The following CEP85L variants were observed in gnomAD, a reference collection of about 807,000 sequenced individuals.
CEP85L encodes centrosomal protein 85L.
In CEP85L, 60 loss-of-function variants were observed where a neutral mutation model predicts 100.3. That is an observed-to-expected ratio of 0.60 (90% CI 0.49 to 0.74). The LOEUF (loss-of-function observed/expected upper bound fraction) is 0.74. Ranked by LOEUF, CEP85L falls within the 30% of genes least tolerant of loss-of-function variation. The probability of loss-of-function intolerance (pLI) is 0.00; values close to 1 mark genes in which losing one functional copy is unlikely to be tolerated. For synonymous variants in CEP85L, 319 were observed against 322.7 expected (o/e 0.99, Z 0.12); for missense variants, 973 against 936.2 (o/e 1.04, Z -0.51).
At chr6:118,606,208 A>C (rs1474393537) in intron 2 of CEP85L, among the ~76,000 whole-genome samples, 1 of 152,188 alleles carries the variant, frequency 6.6e-6, no homozygotes, top group Non-Finnish European at 1.5e-5. Flanking sequence ...CTTTAAAAAA[A>C]CAAATCCTTT....
At chr6:118,623,701 A>T (rs951091839) in intron 2 of CEP85L, among the ~76,000 whole-genome samples, 8 of 152,178 alleles carry the variant, frequency 5.3e-5, no homozygotes, top group Non-Finnish European at 1.2e-4. Flanking sequence ...TCCATATGAA[A>T]TGCTGTATGG....
At chr6:118,564,028 T>C (rs1393008023) in intron 3 of CEP85L, among the ~76,000 whole-genome samples, 1 of 152,214 alleles carries the variant, frequency 6.6e-6, no homozygotes, top group Non-Finnish European at 1.5e-5. Flanking sequence ...CCAGGGTATA[T>C]GCAAATTTTG....
chr6:118,599,207 T>C (rs866264993), intron 2 of CEP85L, among the ~76,000 whole-genome samples: 53 of 152,064 alleles, frequency 3.5e-4, no homozygotes, highest in African/African-American at 1.3e-3. Flanking sequence ...ATTGGTGAAA[T>C]GATTGATTCA....
rs760933106 is a variant in CEP85L, at chr6:118,566,075, AGAT to A, written c.471_473del (p.Ser158del). 1 of 1,614,194 alleles carries A rather than the reference AGAT, an allele frequency of 6.2e-7. No individual in the cohort carries two copies. Among genetic ancestry groups the A allele is most frequent in the South Asian group, 1.1e-5 (1 of 91,086 alleles). On this transcript the variant is annotated inframe_deletion, in exon 3 of 13. Transcript: ENST00000368491. ...TATCCGGGGCAGTGAGTTTGGATAAAGATGACCATTTCCGAAGTGGCCGGAAGT... is the reference window on the plus strand; with the variant it reads ...TATCCGGGGCAGTGAGTTTGGATAAAGACCATTTCCGAAGTGGCCGGAAGT...
intron 2 of CEP85L, among the ~76,000 whole-genome samples, chr6:118,614,167 T>A (rs1321380055): frequency 6.6e-6 from 1 of 152,090 alleles, no homozygotes; most frequent in Non-Finnish European, 1.5e-5. Flanking sequence ...ATTGACAACA[T>A]CTAATACCTA....
chr6:118,505,081 T>C (rs34479834), intron 5 of CEP85L, among the ~76,000 whole-genome samples: 3 of 151,754 alleles, frequency 2.0e-5, no homozygotes, highest in Non-Finnish European at 4.4e-5. Flanking sequence ...TCTTGGTACT[T>C]CCCATTTAAT....
At chr6:118,477,626 A>C (rs914668342) in intron 10 of CEP85L, among the ~76,000 whole-genome samples, 2 of 152,166 alleles carry the variant, frequency 1.3e-5, no homozygotes, top group Admixed American at 6.5e-5. Flanking sequence ...CAGTGCACCA[A>C]ATCAAGACAA....
At chr6:118,498,987 A>C (rs974813337) in intron 5 of CEP85L, among the ~76,000 whole-genome samples, 1 of 152,246 alleles carries the variant, frequency 6.6e-6, no homozygotes, top group African/African-American at 2.4e-5. Flanking sequence ...CTGGAGATTA[A>C]ACAACACACT....
At position 118,461,310 on chromosome 6, in the gene CEP85L, C is replaced by T. The variant is rs944638947; in HGVS notation, c.*4095G>A. ...ATACAATCTAAAGGAGTTTCCAGCTCACTACACAGGGAAGGCTGGGCTCCA... is the reference window on the plus strand; with the variant it reads ...ATACAATCTAAAGGAGTTTCCAGCTTACTACACAGGGAAGGCTGGGCTCCA... On this transcript the variant is annotated 3_prime_UTR_variant, in exon 13 of 13. Coordinates refer to ENST00000368491, the MANE Select transcript of CEP85L (RefSeq NM_001042475.3). 6 of 151,914 alleles carry T rather than the reference C, an allele frequency of 3.9e-5. 1 individual carries two copies. The allele number at this position is 151,914 out of a possible 1,614,324, so 9.4% of individuals were successfully genotyped here.
chr6:118,465,930 T>G (rs141546507), intron 12 of CEP85L, among the ~76,000 whole-genome samples: 3 of 152,120 alleles, frequency 2.0e-5, no homozygotes, highest in Admixed American at 1.3e-4. Context: ...ATTTGTGTAG[T>G]AAGAGGTGGT....
chr6:118,471,042 T>C (rs377678444), intron 10 of CEP85L, among the ~76,000 whole-genome samples: 1 of 152,224 alleles, frequency 6.6e-6, no homozygotes. Context: ...TTGCTTACAG[T>C]TAATGAGATG....
intron 2 of CEP85L, among the ~76,000 whole-genome samples, chr6:118,567,279 A>ATG (rs1779608150): frequency 7.5e-6 from 1 of 133,672 alleles, no homozygotes; most frequent in Admixed American, 7.7e-5. Context: ...ATATATATAT[A>ATG]TATATATATC....
At chr6:118,658,078 A>T (rs1183857590) in intron 1 of CEP85L, among the ~76,000 whole-genome samples, 1 of 152,164 alleles carries the variant, frequency 6.6e-6, no homozygotes, top group Non-Finnish European at 1.5e-5. Flanking sequence ...TCCCTAGAGG[A>T]ATCTGAGCTA....
chr6:118,488,822 T>G (rs1011966111), intron 6 of CEP85L, among the ~76,000 whole-genome samples: 25 of 152,192 alleles, frequency 1.6e-4, no homozygotes, highest in Non-Finnish European at 7.3e-5. Flanking sequence ...AAATGACCTG[T>G]CACATGCAAG....
chr6:118,508,968 T>C (rs1348045406), intron 5 of CEP85L, among the ~76,000 whole-genome samples: 2 of 152,132 alleles, frequency 1.3e-5, no homozygotes, highest in Non-Finnish European at 2.9e-5. Context: ...TATCTATCCA[T>C]TGATAGAAGT....
intron 2 of CEP85L, among the ~76,000 whole-genome samples, chr6:118,568,501 A>G (rs1779680891): frequency 1.3e-5 from 2 of 152,228 alleles, no homozygotes; most frequent in African/African-American, 2.4e-5. Flanking sequence ...TGCCAAGAAA[A>G]GTTGTCAAGG....
At chr6:118,519,593 G>GT (rs1469049812) in intron 4 of CEP85L, among the ~76,000 whole-genome samples, 8 of 55,144 alleles carry the variant, frequency 1.5e-4, no homozygotes, top group East Asian at 4.4e-4. Context: ...GCGGGGGGGG[G>GT]GTGTGAAACT....
At chr6:118,708,215 T>C (rs964297398) in intron 1 of CEP85L, among the ~76,000 whole-genome samples, 2 of 152,248 alleles carry the variant, frequency 1.3e-5, no homozygotes, top group Non-Finnish European at 1.5e-5. Context: ...TGCCCTTAAG[T>C]TACTCACAGC....
At chr6:118,640,658 C>T (rs905159688) in intron 1 of CEP85L, among the ~76,000 whole-genome samples, 2 of 151,880 alleles carry the variant, frequency 1.3e-5, no homozygotes, top group African/African-American at 2.4e-5. Context: ...CCAAGTTGTG[C>T]GGATTACAGG....
Sources: allele counts gnomAD v4.1 joint callset (sites outside exome capture counted in the v4.1 genomes callset), GRCh38; gene constraint gnomAD v4.1.1; transcripts MANE v1.5; gene names NCBI Gene and HGNC (gene_info 2026-07-23, HGNC 2026-07-21).